Variants in SGCZ observed in about 807,000 individuals in gnomAD.
SGCZ encodes the protein sarcoglycan zeta.
Under a neutral mutation model 41.3 loss-of-function variants are expected in SGCZ, and 40 were observed. The observed-to-expected ratio is 0.97, with a 90% CI of 0.75 to 1.26. SGCZ has a LOEUF of 1.26. Ranked by LOEUF, SGCZ falls within the 50% of genes most tolerant of loss-of-function variation. The pLI is 0.00. For missense variants in SGCZ, 552 were observed against 369.8 expected (o/e 1.49, Z -4.04); for synonymous variants, 206 against 137.5 (o/e 1.50, Z -3.49).
intron 1 of SGCZ, among the ~76,000 whole-genome samples, chr8:14,617,025 G>T (rs569982141): frequency 6.6e-6 from 1 of 152,000 alleles, no homozygotes; most frequent in East Asian, 1.9e-4. Context: ...GAAAAAAGGG[G>T]TAATTCAGAT....
chr8:14,594,918 T>C (rs1243238145), intron 1 of SGCZ, among the ~76,000 whole-genome samples: 1 of 151,958 alleles, frequency 6.6e-6, no homozygotes, highest in Non-Finnish European at 1.5e-5. Context: ...TGTAAGTCAC[T>C]TTTGATAACT....
intron 1 of SGCZ, among the ~76,000 whole-genome samples, chr8:14,932,015 T>C (rs1799935092): frequency 6.6e-6 from 1 of 151,946 alleles, no homozygotes. Context: ...ATATACAATT[T>C]GTTAAATATA....
intron 1 of SGCZ, among the ~76,000 whole-genome samples, chr8:15,004,132 G>A (rs549246025): frequency 2.6e-5 from 4 of 152,158 alleles, no homozygotes; most frequent in Admixed American, 1.3e-4. Context: ...CCCAGTAATC[G>A]CTCACTCTGC....
intron 1 of SGCZ, among the ~76,000 whole-genome samples, chr8:15,157,453 T>C (rs570795429): frequency 6.2e-4 from 94 of 151,396 alleles, no homozygotes; most frequent in African/African-American, 2.1e-3. Context: ...CGTAATTTTT[T>C]TCATTTTTTA....
intron 1 of SGCZ, among the ~76,000 whole-genome samples, chr8:15,042,967 C>A (rs1003259057): frequency 2.0e-5 from 3 of 152,138 alleles, no homozygotes; most frequent in Non-Finnish European, 4.4e-5. Context: ...TAAACGGTTT[C>A]TCCAAAGGCA....
At chr8:14,688,914 G>A (rs914058185) in intron 1 of SGCZ, among the ~76,000 whole-genome samples, 81 of 152,094 alleles carry the variant, frequency 5.3e-4, no homozygotes, top group African/African-American at 2.0e-3. Context: ...CTTCAGCAAA[G>A]TCTCAGGATA....
intron 2 of SGCZ, among the ~76,000 whole-genome samples, chr8:14,430,450 G>A (rs879876780): frequency 1.3e-5 from 2 of 152,048 alleles, no homozygotes; most frequent in Non-Finnish European, 2.9e-5. Flanking sequence ...AAAATGACAT[G>A]ATCATGTCAT....
At chr8:14,820,123 T>C (rs941409097) in intron 1 of SGCZ, among the ~76,000 whole-genome samples, 1 of 151,906 alleles carries the variant, frequency 6.6e-6, no homozygotes, top group African/African-American at 2.4e-5. Context: ...TAACTATACA[T>C]AGCATGCAAG....
At chr8:14,571,528 T>C (rs919930960) in intron 1 of SGCZ, among the ~76,000 whole-genome samples, 3 of 152,288 alleles carry the variant, frequency 2.0e-5, no homozygotes, top group Admixed American at 2.0e-4. Context: ...GCTCCAAAAC[T>C]TTTTCCAAAG....
At chr8:14,718,914 A>G (rs148892656) in intron 1 of SGCZ, among the ~76,000 whole-genome samples, 1,843 of 148,082 alleles carry the variant, frequency 0.012, 28 homozygotes, top group Non-Finnish European at 0.02. Context: ...CAGGTTAGTT[A>G]CACATGTATA....
chr8:14,334,187 G>C (rs955760398), intron 2 of SGCZ, among the ~76,000 whole-genome samples: 1 of 152,006 alleles, frequency 6.6e-6, no homozygotes, highest in Non-Finnish European at 1.5e-5. Context: ...CCCTACCAAA[G>C]CACTCCTTAG....
chr8:14,445,959 G>A (rs916715383), intron 2 of SGCZ, among the ~76,000 whole-genome samples: 2 of 152,166 alleles, frequency 1.3e-5, no homozygotes, highest in Admixed American at 6.5e-5. Context: ...GGAGTGGCTG[G>A]CCAGATCCCA....
At chr8:14,990,576 T>A (rs1801977557) in intron 1 of SGCZ, among the ~76,000 whole-genome samples, 2 of 152,076 alleles carry the variant, frequency 1.3e-5, no homozygotes, top group South Asian at 4.1e-4. Context: ...CAATGATTTG[T>A]CACTGTCTCT....
intron 1 of SGCZ, among the ~76,000 whole-genome samples, chr8:14,890,024 C>T (rs1804952989): frequency 6.6e-6 from 1 of 152,044 alleles, no homozygotes; most frequent in Non-Finnish European, 1.5e-5. Context: ...TGAGACCAGC[C>T]TGGCCAATAT....
At chr8:14,873,120 G>GAAGTGTATAAAAGTGTATAA (rs1295069789) in intron 1 of SGCZ, among the ~76,000 whole-genome samples, 1 of 152,118 alleles carries the variant, frequency 6.6e-6, no homozygotes, top group African/African-American at 2.4e-5. Context: ...ATAATGGAGT[G>GAAGTGTATAAAAGTGTATAA]AAGTGTATAA....
At chr8:14,611,641 A>G (rs925833373) in intron 1 of SGCZ, among the ~76,000 whole-genome samples, 2 of 152,206 alleles carry the variant, frequency 1.3e-5, no homozygotes, top group Non-Finnish European at 2.9e-5. Flanking sequence ...TTTTCTTGAC[A>G]GAAGCCATAA....
At chr8:14,780,785 T>A (rs554065471) in intron 1 of SGCZ, among the ~76,000 whole-genome samples, 6 of 152,198 alleles carry the variant, frequency 3.9e-5, no homozygotes, top group African/African-American at 1.2e-4. Context: ...CTCTGTTTTC[T>A]TAGTGAAATT....
rs138717099 is a variant in SGCZ, at chr8:14,132,334, T to C, written c.548-24099A>G. ...GTTTATTCCTCTTAAATAGGTAATA[T>C]GTGTACACAACACATGATTGCAACA... On this transcript the variant is annotated intron_variant, in intron 5 of 7. Coordinates refer to ENST00000382080, the MANE Select transcript of SGCZ (RefSeq NM_139167.4). Among the ~76,000 whole-genome samples the C allele has an allele frequency of 5.9e-3, 893 of 152,314 alleles. 6 individuals are homozygous for C. The highest frequency in any genetic ancestry group is 0.02 in the African/African-American group (849 of 41,564).
chr8:14,253,299 A>T (rs1799351778), intron 3 of SGCZ, among the ~76,000 whole-genome samples: 1 of 151,282 alleles, frequency 6.6e-6, no homozygotes, highest in Non-Finnish European at 1.5e-5. Context: ...GTGTTTGCAG[A>T]TTTAATTTTT....
Sources: gnomAD v4.1 joint callset for allele counts (sites outside exome capture counted in the v4.1 genomes callset) on GRCh38, gnomAD v4.1.1 for gene constraint, MANE v1.5 for transcripts, NCBI Gene and HGNC (gene_info 2026-07-23, HGNC 2026-07-21) for gene names.